Variants in EIF2B1 observed in about 807,000 individuals in gnomAD.
EIF2B1 encodes the protein eukaryotic translation initiation factor 2B subunit alpha.
In EIF2B1, 30 loss-of-function variants were observed where a neutral mutation model predicts 36.8. The ratio of observed to expected loss-of-function variants is 0.81; its 90% CI spans 0.61 to 1.10. EIF2B1 has a LOEUF of 1.10. Among genes scored for constraint, EIF2B1 ranks in the 50% least tolerant of loss-of-function variants. The pLI is 0.00. For missense variants in EIF2B1, 271 were observed against 374.8 expected, an observed-to-expected ratio of 0.72 and a Z score of 2.29; for synonymous variants, 139 against 142.2, an observed-to-expected ratio of 0.98 and a Z score of 0.16.
At chr12:123,622,322 G>T (rs1257713752) in intron 8 of EIF2B1, among the ~76,000 whole-genome samples, 1 of 152,194 alleles carries the variant, frequency 6.6e-6, no homozygotes, top group Non-Finnish European at 1.5e-5. Context: ...AGGTTGAAAT[G>T]AAAGGACTTG....
chr12:123,622,825 A>G, intron 7 of EIF2B1, 64 bp from the exon 8 acceptor site: 1 of 1,606,344 alleles, frequency 6.2e-7, no homozygotes, highest in Non-Finnish European at 8.5e-7. Context: ...GCCACAGAAA[A>G]GCGGGCCGGG....
At position 123,630,850 on chromosome 12, in the gene EIF2B1, A is replaced by G. The variant is rs545148674; in HGVS notation, c.116-317T>C. Among the ~76,000 whole-genome samples, 1 of 152,226 alleles carries G rather than the reference A, an allele frequency of 6.6e-6. No individual in the cohort carries two copies. The highest frequency in any genetic ancestry group is 1.5e-5 in the Non-Finnish European group (1 of 67,996). On this transcript the variant is annotated intron_variant, in intron 2 of 8. Coordinates refer to ENST00000424014, the MANE Select transcript of EIF2B1 (RefSeq NM_001414.4). This position sits in a 1 kb window ranked among gnomAD's most constrained non-coding sequence, Gnocchi z 4.6. ...TGGAAAGACATTAAGTAGCAGCGGC[A>G]GATGAGGTCTGCAAGGTGGTATGGG...
intron 7 of EIF2B1, 127 bp from the exon 8 acceptor site, chr12:123,622,888 TC>T (rs2135759905): frequency 7.1e-7 from 1 of 1,405,478 alleles, no homozygotes; most frequent in East Asian, 2.3e-5. Context: ...GGTGGGTGGA[TC>T]ACCTGAACCC....
chr12:123,626,563 G>A (rs1421740190), intron 5 of EIF2B1, 70 bp from the exon 6 acceptor site: 53 of 1,546,690 alleles, frequency 3.4e-5, no homozygotes, highest in Non-Finnish European at 4.6e-5. Flanking sequence ...GTCACCTAAT[G>A]TGGACAGTGG....
rs1955115468 is a variant in EIF2B1, at chr12:123,622,860, A to C, written c.628-99T>G. ...GCACAGTGGTGCATGCCTGTATTCCAGCATTTTGGGAGGCCGAGGTGGGTG... is the reference window on the plus strand; with the variant it reads ...GCACAGTGGTGCATGCCTGTATTCCCGCATTTTGGGAGGCCGAGGTGGGTG... On this transcript the variant is annotated intron_variant, in intron 7 of 8. Transcript: ENST00000424014. The C allele has an allele frequency of 6.3e-6, 10 of 1,581,782 alleles. No individual in the cohort carries two copies. The South Asian group carries it at 1.0e-4, about 16-fold the overall frequency.
intron 8 of EIF2B1, 123 bp downstream of exon 8, chr12:123,622,513 A>G: frequency 1.5e-6 from 2 of 1,354,962 alleles, no homozygotes; most frequent in South Asian, 2.4e-5. Flanking sequence ...TTATCTTTGT[A>G]TTCCAAGTGT....
intron 5 of EIF2B1, 59 bp from the exon 6 acceptor site, chr12:123,626,552 T>C: frequency 6.4e-7 from 1 of 1,574,074 alleles, no homozygotes; most frequent in Non-Finnish European, 8.7e-7. Context: ...CAGTGATGTA[T>C]GTCACCTAAT....
chr12:123,629,793 A>AAAATAAAT (rs577936569), intron 4 of EIF2B1, among the ~76,000 whole-genome samples: 1 of 151,902 alleles, frequency 6.6e-6, no homozygotes, highest in African/African-American at 2.4e-5. Context: ...ACTCCGTCTC[A>AAAATAAAT]AAATAAATAA....
Position 123,620,579 on chromosome 12 carries a change from A to ATT in EIF2B1, c.*1175_*1176dup, listed in dbSNP as rs1332707995. ...GGGTCACATATAGACATATGTACAT[A>ATT]TTATATATATATATATATATATATA... On this transcript the variant is annotated 3_prime_UTR_variant, in exon 9 of 9. Transcript: ENST00000424014. 0.011 allele frequency: 782 copies of ATT among 70,910 alleles called. 22 individuals carry two copies. The highest frequency in any genetic ancestry group is 0.036 in the African/African-American group (713 of 19,616). 4.4% of individuals were successfully genotyped at this position (70,910 alleles called of 1,614,324 possible). A position where few individuals can be genotyped will look rare whatever the true frequency, so the allele number is the denominator to read the frequency against.
chr12:123,624,935 A>C (rs1955137147), intron 6 of EIF2B1, 73 bp from the exon 7 acceptor site: 3 of 1,367,776 alleles, frequency 2.2e-6, no homozygotes, highest in South Asian at 1.2e-5. Flanking sequence ...TGCAAAGATC[A>C]ATATTCCATT....
chr12:123,626,270 A>G (rs765518836), intron 6 of EIF2B1, 155 bp downstream of exon 6: 39 of 811,304 alleles, frequency 4.8e-5, no homozygotes, highest in Non-Finnish European at 6.7e-5. Flanking sequence ...ACAACCTCAT[A>G]ACAAGCTTGC....
At chr12:123,624,675 C>T in intron 7 of EIF2B1, 112 bp downstream of exon 7, 1 of 918,828 alleles carries the variant, frequency 1.1e-6, no homozygotes, top group Non-Finnish European at 1.8e-6. Flanking sequence ...TGATGAAGTC[C>T]TGAAGTGAAG....
chr12:123,621,466 C>A lies in EIF2B1; in HGVS notation c.*290G>T. 1 of 418,542 alleles carries A rather than the reference C, an allele frequency of 2.4e-6. No homozygotes were observed. 25.9% of individuals were successfully genotyped at this position (418,542 alleles called of 1,614,324 possible). ...TGAAGACAGGTGGACTTGGGCTCAT[C>A]TTTCATCAGTTAAGTAGCCAATTAT... On this transcript the variant is annotated 3_prime_UTR_variant, in exon 9 of 9. Transcript: ENST00000424014.
intron 2 of EIF2B1, among the ~76,000 whole-genome samples, chr12:123,631,568 G>A (rs1955186837): frequency 6.6e-6 from 1 of 152,066 alleles, no homozygotes; most frequent in African/African-American, 2.4e-5. Context: ...CAGCACTTTG[G>A]GAGGCCGACA....
Position 123,630,645 on chromosome 12 carries a change from C to G in EIF2B1, c.116-112G>C. On this transcript the variant is annotated intron_variant, in intron 2 of 8. Transcript: ENST00000424014. This position sits in a 1 kb window ranked among gnomAD's most constrained non-coding sequence, Gnocchi z 4.6. Reference sequence around the variant, plus strand: ...TATTTACTAGGTACATACTATATACCAGGCACTATTCTAGATGCTAGGGAT... The same window carrying G: ...TATTTACTAGGTACATACTATATACGAGGCACTATTCTAGATGCTAGGGAT... 7.0e-7 allele frequency: 1 copy of G among 1,437,540 alleles called. No homozygotes were observed. The highest frequency in any genetic ancestry group is 9.6e-7 in the Non-Finnish European group (1 of 1,042,176). 89.0% of individuals were successfully genotyped at this position (1,437,540 alleles called of 1,614,324 possible).
chr12:123,623,694 G>A (rs966770062), intron 7 of EIF2B1, among the ~76,000 whole-genome samples: 4 of 152,044 alleles, frequency 2.6e-5, no homozygotes, highest in Admixed American at 2.6e-4. Context: ...GGCTGGTCTC[G>A]AACTCCTGAC....
At position 123,621,778 on chromosome 12, in the gene EIF2B1, T is replaced by C. The variant is rs1955101278; in HGVS notation, c.896A>G (p.Glu299Gly). Residue 299 changes from glutamate (E) to glycine (G), a missense_variant, in exon 9 of 9, where the codon GAG becomes GGG. By Grantham distance (98) the Glu-to-Gly change is moderately conservative. Transcript: ENST00000424014. Reference protein sequence around the residue: ...GVLTPSAVSDELIKLYL With the variant: ...GVLTPSAVSDGLIKLYL ...AGGTTACAGATAGAGCTTGATGAGC[T>C]CATCGCTGACTGCTGAGGGTGTCAG... is the stretch of plus-strand genomic sequence containing the variant. The C allele has an allele frequency of 2.5e-6, 4 of 1,613,782 alleles. No individual in the cohort carries two copies. The highest frequency in any genetic ancestry group is 3.4e-6 in the Non-Finnish European group (4 of 1,180,032).
At chr12:123,632,468 A>G in intron 1 of EIF2B1, 22 bp from the exon 2 acceptor site, 1 of 1,508,522 alleles carries the variant, frequency 6.6e-7, no homozygotes, top group Non-Finnish European at 9.2e-7. Context: ...GAAAAAAGTG[A>G]TTCACCTAAT....
chr12:123,630,447 C>T lies in EIF2B1; in HGVS notation c.202G>A (p.Gly68Ser), dbSNP rs1955179477. 1 of 1,614,112 alleles carries T rather than the reference C, an allele frequency of 6.2e-7. No homozygotes were observed. The highest frequency in any genetic ancestry group is 8.5e-7 in the Non-Finnish European group (1 of 1,180,024). ...GVDSSVAVSS[G>S]GELFLRFISL... is the part of the protein sequence containing the mutation. The stretch of plus-strand genomic sequence containing the variant: ...ATGAAGCGGAGGAAGAGCTCCCCGC[C>T]AGAGGACACTGCCACAGAGGAGTCC... The change falls in exon 3 of 9, where the codon GGC becomes AGC. Residue 68 changes from glycine (G) to serine (S), a missense_variant. Gly to Ser is a moderately conservative substitution (Grantham distance 56, BLOSUM62 0). Coordinates refer to ENST00000424014, the MANE Select transcript of EIF2B1 (RefSeq NM_001414.4). The surrounding 1 kb of genome is among the most constrained non-coding windows in gnomAD (Gnocchi z 4.6).
Sources: allele counts gnomAD v4.1 joint callset (sites outside exome capture counted in the v4.1 genomes callset), GRCh38; gene constraint gnomAD v4.1.1; non-coding constraint Gnocchi (gnomAD v3.1); transcripts MANE v1.5; gene names NCBI Gene and HGNC (gene_info 2026-07-23, HGNC 2026-07-21).